TASOR2: variants seen among roughly 807,000 people sequenced by gnomAD.
TASOR2 encodes the protein protein TASOR 2.
TASOR2 carries 84 observed loss-of-function variants against 199.5 expected under a neutral mutation model. The ratio of observed to expected loss-of-function variants is 0.42; its 90% confidence interval spans 0.35 to 0.50. The LOEUF (loss-of-function observed/expected upper bound fraction) is 0.50. TASOR2 is among the 20% of genes least tolerant of loss of function. TASOR2 has a pLI of 0.02. For missense variants in TASOR2, 2,796 were observed against 2,835.9 expected (o/e 0.99, Z 0.32); for synonymous variants, 1,103 against 1,046.6 (o/e 1.05, Z -1.04).
rs777942624 is a variant in TASOR2, at chr10:5,754,846, T to A, written c.6607-1767T>A. Among the ~76,000 whole-genome samples, 98 of 151,108 alleles carry A rather than the reference T, an allele frequency of 6.5e-4. 1 individual carries two copies. Among genetic ancestry groups the A allele is most frequent in the East Asian group, 5.0e-3 (25 of 5,046 alleles). On this transcript the variant is annotated intron_variant, in intron 15 of 20. Transcript: ENST00000328090. This position sits in a 1 kb window ranked among gnomAD's most constrained non-coding sequence, Gnocchi z 4.3. ...ATCACAAGGTCAGGAGATTGAGACC[T>A]TCCTGGCTAACACCGTGAAACCCCA...
chr10:5,757,235 C>T (rs1168389708), intron 16 of TASOR2, among the ~76,000 whole-genome samples: 1 of 152,156 alleles, frequency 6.6e-6, no homozygotes, highest in Non-Finnish European at 1.5e-5. Flanking sequence ...TTTTCAGTGC[C>T]CACAACCTCA....
rs1752357930 is a variant in TASOR2, at chr10:5,737,491, G to T, written c.1447+1945G>T. On this transcript the variant is annotated intron_variant, in intron 12 of 20. Coordinates refer to ENST00000328090, the Ensembl canonical transcript of TASOR2. This position sits in a 1 kb window ranked among gnomAD's most constrained non-coding sequence, Gnocchi z 4.9. ...GCTGTACCTCCCCTCTCTGCGTTGT[G>T]CCTCTGCTGTTGCCACCGTGCTCCT... 6.6e-6 allele frequency among the ~76,000 whole-genome samples: 1 copy of T among 151,718 alleles called. No homozygotes were observed. The highest frequency in any genetic ancestry group is 1.5e-5 in the Non-Finnish European group (1 of 67,972).
rs918481178 is a variant in TASOR2 at position 5,689,471 on chromosome 10, G to A, written c.-288+4296G>A. On this transcript the variant is annotated intron_variant, in intron 1 of 20. Coordinates refer to ENST00000328090, the Ensembl canonical transcript of TASOR2. This position sits in a 1 kb window ranked among gnomAD's most constrained non-coding sequence, Gnocchi z 4.1. ...AAAAATTATCCCGGCATGGGGGTGC[G>A]CGCCTGTAGTCCCAGCTACTCGGGA... Among the ~76,000 whole-genome samples the A allele has an allele frequency of 9.9e-5, 15 of 152,012 alleles. No individual in the cohort carries two copies. Among genetic ancestry groups the A allele is most frequent in the African/African-American group, 3.4e-4 (14 of 41,400 alleles).
exon 1 of TASOR2, chr10:5,684,955 G>T: frequency 2.5e-6 from 1 of 397,880 alleles, no homozygotes; most frequent in Non-Finnish European, 4.4e-6. Flanking sequence ...GGGCGGCCGC[G>T]GCGTCCCTGT....
At chr10:5,693,142 T>G (rs1398381514) in intron 1 of TASOR2, among the ~76,000 whole-genome samples, 1 of 152,236 alleles carries the variant, frequency 6.6e-6, no homozygotes, top group Non-Finnish European at 1.5e-5. Flanking sequence ...AGCAGAGCCC[T>G]GGTGATGAAA....
At chr10:5,715,840 A>C (rs1186643599) in intron 2 of TASOR2, among the ~76,000 whole-genome samples, 2 of 152,074 alleles carry the variant, frequency 1.3e-5, no homozygotes, top group Non-Finnish European at 2.9e-5. Context: ...ACTGGGTTTC[A>C]CCATGTTGGC....
At position 5,748,305 on chromosome 10, in the gene TASOR2, C is replaced by T; in HGVS notation, c.4884C>T (p.Gly1628=). 1 of 1,614,212 alleles carries T rather than the reference C, an allele frequency of 6.2e-7. No individual in the cohort carries two copies. The highest frequency in any genetic ancestry group is 8.5e-7 in the Non-Finnish European group (1 of 1,180,056). The change falls in exon 15 of 21, where the codon GGC becomes GGT. Residue 1628 remains glycine, a synonymous_variant. Transcript: ENST00000328090. This position sits in a 1 kb window ranked among gnomAD's most constrained non-coding sequence, Gnocchi z 5.1. The stretch of plus-strand genomic sequence containing the variant: ...CCGGTGATTTGAAAACAGATGAAGG[C>T]ATTTATCTGCAGGTGAAGTCCTTGA...
chr10:5,731,885 C>T (rs754010591), intron 11 of TASOR2, among the ~76,000 whole-genome samples: 3 of 152,182 alleles, frequency 2.0e-5, no homozygotes, highest in Non-Finnish European at 4.4e-5. Flanking sequence ...ACCAGCAAAC[C>T]GTGATAGCTG....
At position 5,720,911 on chromosome 10, in the gene TASOR2, C is replaced by T. The variant is rs76832615; in HGVS notation, c.87C>T (p.Asp29=). The T allele has an allele frequency of 0.01, 16,770 of 1,613,338 alleles. 429 individuals carry two copies. The highest frequency in any genetic ancestry group is 0.093 in the Admixed American group (5,570 of 59,896). Reference sequence around the variant, plus strand: ...GGAAAGGGAAATTAATTGTTCAAGACCGTATGCTATGTGATATAGCTCTTT... The same window carrying T: ...GGAAAGGGAAATTAATTGTTCAAGATCGTATGCTATGTGATATAGCTCTTT... Residue 29 remains aspartate (D), a synonymous_variant, in exon 6 of 21, where the codon GAC becomes GAT. Transcript: ENST00000328090. This position sits in a 1 kb window ranked among gnomAD's most constrained non-coding sequence, Gnocchi z 5.3.
In TASOR2 at chr10:5,748,237, A is replaced by C; in HGVS notation, c.4816A>C (p.Lys1606Gln). 1 of 1,614,214 alleles carries C rather than the reference A, an allele frequency of 6.2e-7. No homozygotes were observed. Among genetic ancestry groups the C allele is most frequent in the Non-Finnish European group, 8.5e-7 (1 of 1,180,042 alleles). The stretch of plus-strand genomic sequence containing the variant: ...AAGTGGTATAGTGAATGTGTCAGTA[A>C]AACAGCAGACTAGCCCTAAAAGCAG... Residue 1606 changes from lysine (K) to glutamine (Q), a missense_variant, in exon 15 of 21, where the codon AAA (lysine) becomes CAA (glutamine). By Grantham distance (53) the Lys-to-Gln change is moderately conservative. Around this residue, in one of 3 missense-constraint regions of TASOR2, gnomAD observed 1,941 missense variants for 1,924.9 expected, o/e 1.01. Transcript: ENST00000328090. The surrounding 1 kb of genome is among the most constrained non-coding windows in gnomAD (Gnocchi z 5.1).
exon 20 of TASOR2, chr10:5,762,533 C>T (rs771613750): frequency 8.5e-6 from 6 of 703,196 alleles, no homozygotes; most frequent in Non-Finnish European, 1.1e-5. Context: ...TTTTAACAGA[C>T]AAGCCTACTA....
At chr10:5,747,916 G>C (rs370752583) in exon 15 of TASOR2, 38 of 1,613,696 alleles carry the variant, frequency 2.4e-5, no homozygotes, top group Non-Finnish European at 3.2e-5. Context: ...TCCTGGTAAA[G>C]TAACTGAGGA....
At chr10:5,712,356 T>G (rs1267105465) in intron 1 of TASOR2, 6 of 1,228,312 alleles carry the variant, frequency 4.9e-6, no homozygotes, top group Non-Finnish European at 6.1e-6. Context: ...TCCTTTGGAA[T>G]CTTAAATAGC....
chr10:5,762,511 G>GTTTTT lies in TASOR2; in HGVS notation c.7175-10_7175-6dup, dbSNP rs57228390. The GTTTTT allele has an allele frequency of 1.3e-4, 78 of 587,976 alleles. 1 individual carries two copies. The highest frequency in any genetic ancestry group is 1.3e-3 in the African/African-American group (60 of 46,322). The allele number at this position is 587,976 out of a possible 1,614,324, so 36.4% of individuals were successfully genotyped here. A position where few individuals can be genotyped will look rare whatever the true frequency, so the allele number is the denominator to read the frequency against. ...ACATTAATTATATTAACCAAAAGTT[G>GTTTTT]TTTTTTTTTTTTTTTAACAGACAAG... is the stretch of plus-strand genomic sequence containing the variant. On this transcript the variant is annotated intron_variant, in intron 19 of 20. Transcript: ENST00000328090.
At chr10:5,729,149 G>C (rs139034926) in intron 10 of TASOR2, among the ~76,000 whole-genome samples, 2,256 of 152,222 alleles carry the variant, frequency 0.015, 20 homozygotes, top group Middle Eastern at 0.041. Context: ...AGGAGTTGGA[G>C]ACTAGCCTGG....
chr10:5,730,714 C>T lies in TASOR2; in HGVS notation c.715C>T (p.Leu239=), dbSNP rs1834696144. The T allele has an allele frequency of 3.1e-6, 5 of 1,614,192 alleles. No homozygotes were observed. Among genetic ancestry groups the T allele is most frequent in the Non-Finnish European group, 4.2e-6 (5 of 1,180,020 alleles). The change falls in exon 11 of 21, where the codon CTG becomes TTG. Residue 239 remains leucine, a synonymous_variant. Transcript: ENST00000328090. This position sits in a 1 kb window ranked among gnomAD's most constrained non-coding sequence, Gnocchi z 4.1. ...GAAAGACCCTACATTCTTGGGGAAACTGCCCAGTGGTTTTGACTTGATTCC... is the reference window on the plus strand; with the variant it reads ...GAAAGACCCTACATTCTTGGGGAAATTGCCCAGTGGTTTTGACTTGATTCC...
chr10:5,697,785 A>G (rs1837336823), intron 1 of TASOR2, among the ~76,000 whole-genome samples: 1 of 152,212 alleles, frequency 6.6e-6, no homozygotes, highest in African/African-American at 2.4e-5. Context: ...TCTTCTGATA[A>G]CAGTCCAGGA....
At chr10:5,749,480 C>G (rs774545747) in exon 15 of TASOR2, 4 of 1,614,110 alleles carry the variant, frequency 2.5e-6, no homozygotes, top group Admixed American at 1.7e-5. Flanking sequence ...GCTTTCCCTT[C>G]GACAAAAATC....
intron 2 of TASOR2, among the ~76,000 whole-genome samples, chr10:5,715,755 G>C (rs1038243687): frequency 6.6e-6 from 1 of 152,044 alleles, no homozygotes; most frequent in Admixed American, 6.5e-5. Flanking sequence ...TGATTCTCCT[G>C]CCTCAGCCTC....
Sources: allele counts gnomAD v4.1 joint callset (sites outside exome capture counted in the v4.1 genomes callset), GRCh38; gene constraint gnomAD v4.1.1; regional missense constraint gnomAD v4.1.1; non-coding constraint Gnocchi (gnomAD v3.1); transcripts MANE v1.5; gene names NCBI Gene and HGNC (gene_info 2026-07-23, HGNC 2026-07-21).